Variants in GPHN observed in about 807,000 individuals in gnomAD.
GPHN encodes the protein gephyrin.
Under a neutral mutation model 95.5 loss-of-function variants are expected in GPHN, and 17 were observed. That is an observed-to-expected ratio of 0.18 (90% CI 0.12 to 0.27). GPHN has a LOEUF of 0.27. GPHN is among the 10% of genes least tolerant of loss of function. The probability of loss-of-function intolerance (pLI) is 1.00; values close to 1 mark genes in which losing one functional copy is unlikely to be tolerated. For missense variants in GPHN, 660 were observed against 978.1 expected, an observed-to-expected ratio of 0.67 and a Z score of 4.34; for synonymous variants, 320 against 322.5, an observed-to-expected ratio of 0.99 and a Z score of 0.08.
the GPHN span, among the ~76,000 whole-genome samples, chr14:67,480,512 A>G: frequency 5.3e-5 from 8 of 152,254 alleles, no homozygotes; most frequent in East Asian, 1.5e-3. Context: ...TCACCCCCTC[A>G]TTTAACCTCC....
chr14:67,098,445 G>A (rs1011787584), intron 12 of GPHN, among the ~76,000 whole-genome samples: 2 of 152,262 alleles, frequency 1.3e-5, no homozygotes, highest in South Asian at 2.1e-4. Context: ...ACAATAAACA[G>A]AACCAGGATT....
chr14:67,004,365 A>G (rs2072452906), intron 9 of GPHN, among the ~76,000 whole-genome samples: 1 of 151,806 alleles, frequency 6.6e-6, no homozygotes, highest in African/African-American at 2.4e-5. Flanking sequence ...TAAGTCAGCA[A>G]GCATTTATTT....
At chr14:66,856,301 A>G (rs970207033) in intron 4 of GPHN, among the ~76,000 whole-genome samples, 2 of 152,150 alleles carry the variant, frequency 1.3e-5, no homozygotes, top group Non-Finnish European at 2.9e-5. Flanking sequence ...CAAACAATTT[A>G]TATTTCCAGG....
chr14:66,577,343 G>C (rs1475698919), intron 1 of GPHN, among the ~76,000 whole-genome samples: 1 of 152,148 alleles, frequency 6.6e-6, no homozygotes, highest in Admixed American at 6.6e-5. Flanking sequence ...TTGGGATAAG[G>C]TCATGATAGC....
At chr14:66,792,182 G>A (rs111756462) in intron 3 of GPHN, among the ~76,000 whole-genome samples, 90 of 152,130 alleles carry the variant, frequency 5.9e-4, no homozygotes, top group African/African-American at 1.6e-3. Context: ...TAAGAATGTC[G>A]TAACTCCTGG....
intron 2 of GPHN, among the ~76,000 whole-genome samples, chr14:66,737,278 G>A (rs1348498340): frequency 1.3e-5 from 2 of 151,036 alleles, no homozygotes; most frequent in Non-Finnish European, 2.9e-5. Flanking sequence ...GGGCTTTTGA[G>A]TGAATGGAGT....
intron 2 of GPHN, among the ~76,000 whole-genome samples, chr14:66,763,204 A>G (rs2058823825): frequency 8.0e-6 from 1 of 125,088 alleles, no homozygotes; most frequent in Non-Finnish European, 1.5e-5. Context: ...ACCATATTAC[A>G]ACTATTTTTT....
At chr14:66,543,686 G>A (rs1288173378) in intron 1 of GPHN, among the ~76,000 whole-genome samples, 1 of 151,928 alleles carries the variant, frequency 6.6e-6, no homozygotes, top group Non-Finnish European at 1.5e-5. Flanking sequence ...TTTCTAGTTG[G>A]GGCTATCCTT....
chr14:67,191,471 A>C, the GPHN span, among the ~76,000 whole-genome samples: 2 of 152,194 alleles, frequency 1.3e-5, no homozygotes, highest in Admixed American at 1.3e-4. Context: ...AAGCCAACCA[A>C]GACAGTGCAA....
chr14:67,303,172 A>G, the GPHN span, among the ~76,000 whole-genome samples: 8 of 152,226 alleles, frequency 5.3e-5, no homozygotes, highest in African/African-American at 1.4e-4. Flanking sequence ...AGAAAGTTCT[A>G]TTGGATAGTG....
At chr14:67,552,628 G>A in the GPHN span, among the ~76,000 whole-genome samples, 5 of 149,356 alleles carry the variant, frequency 3.3e-5, no homozygotes, top group Non-Finnish European at 7.5e-5. Flanking sequence ...TTAGCTGGGC[G>A]TGGTGGCGGG....
intron 2 of GPHN, among the ~76,000 whole-genome samples, chr14:66,732,453 T>C (rs1177271427): frequency 6.6e-6 from 1 of 152,228 alleles, no homozygotes; most frequent in Non-Finnish European, 1.5e-5. Context: ...TTTTGGCCAG[T>C]TTCTCCCATT....
chr14:66,669,733 T>G (rs140050166), intron 1 of GPHN, among the ~76,000 whole-genome samples: 13 of 152,184 alleles, frequency 8.5e-5, no homozygotes, highest in Non-Finnish European at 1.6e-4. Context: ...GTTTTGTATT[T>G]CAGTTATTGT....
intron 4 of GPHN, among the ~76,000 whole-genome samples, chr14:66,850,415 G>A (rs1358986844): frequency 6.6e-6 from 1 of 152,008 alleles, no homozygotes; most frequent in African/African-American, 2.4e-5. Flanking sequence ...TTCCTCTTAA[G>A]CATTCAAGAG....
intron 17 of GPHN, among the ~76,000 whole-genome samples, chr14:67,128,246 C>T (rs909579973): frequency 8.6e-5 from 13 of 151,788 alleles, no homozygotes; most frequent in Non-Finnish European, 1.6e-4. Context: ...CTTTTAAGCA[C>T]AACCCTATTT....
intron 1 of GPHN, among the ~76,000 whole-genome samples, chr14:66,651,592 C>T (rs929505580): frequency 6.6e-6 from 1 of 152,120 alleles, no homozygotes; most frequent in Non-Finnish European, 1.5e-5. Flanking sequence ...GGATCCACTG[C>T]TTGACTTCAA....
At chr14:66,979,179 C>T (rs1406225362) in intron 9 of GPHN, among the ~76,000 whole-genome samples, 1 of 152,210 alleles carries the variant, frequency 6.6e-6, no homozygotes, top group Non-Finnish European at 1.5e-5. Flanking sequence ...TCGGCTTCCA[C>T]TTAAAGTCAG....
At chr14:67,656,996 C>G in the GPHN span, 1 of 154,232 alleles carries the variant, frequency 6.5e-6, no homozygotes, top group East Asian at 1.9e-4. Context: ...TATGGGCAAA[C>G]CAACTAAACT....
At position 66,784,798 on chromosome 14, in the gene GPHN, G is replaced by C. The variant is rs552849578; in HGVS notation, c.201+8277G>C. ...TGTTTAAGTGATTCACAATAAGCAAGCATATAAAAACAGGAAAAAGAAACA... is the reference window on the plus strand; with the variant it reads ...TGTTTAAGTGATTCACAATAAGCAACCATATAAAAACAGGAAAAAGAAACA... On this transcript the variant is annotated intron_variant, in intron 3 of 22. Transcript: ENST00000478722. Among the ~76,000 whole-genome samples, 6 of 152,166 alleles carry C rather than the reference G, an allele frequency of 3.9e-5. No individual in the cohort carries two copies. In the East Asian group the frequency reaches 9.7e-4, roughly 24 times the overall value.
Sources: allele counts gnomAD v4.1 joint callset (sites outside exome capture counted in the v4.1 genomes callset), GRCh38; gene constraint gnomAD v4.1.1; transcripts MANE v1.5; gene names NCBI Gene and HGNC (gene_info 2026-07-23, HGNC 2026-07-21).